The following PHF8 variants were observed in gnomAD, a reference collection of about 807,000 sequenced individuals.
PHF8 encodes histone lysine demethylase PHF8.
A neutral mutation model predicts 74.4 loss-of-function variants in PHF8; 9 were observed. The observed-to-expected ratio is 0.12, with a 90% confidence interval of 0.07 to 0.21. The LOEUF is 0.21. Ranked by LOEUF, PHF8 falls within the 10% of genes least tolerant of loss-of-function variation. The pLI, the probability that PHF8 is intolerant of heterozygous loss-of-function variation, is 1.00. For missense variants in PHF8, 478 were observed against 816.6 expected, an observed-to-expected ratio of 0.59 and a Z score of 5.05; for synonymous variants, 311 against 316.6, an observed-to-expected ratio of 0.98 and a Z score of 0.19.
upstream of PHF8, chrX:54,044,835 CG>C (rs1557117058): frequency 9.1e-7 from 1 of 1,101,888 alleles, no homozygotes; most frequent in Non-Finnish European, 1.2e-6. Context: ...TAGGTGGCGG[CG>C]GGGGCGGGCT....
chrX:53,953,188 T>C (rs1465315678), intron 19 of PHF8, among the ~76,000 whole-genome samples: 11 of 102,561 alleles, frequency 1.1e-4, no homozygotes, highest in Non-Finnish European at 1.4e-4. Context: ...GCGGGAGTAT[T>C]GCTTGAACCC....
intron 7 of PHF8, 122 bp from the exon 8 acceptor site, chrX:54,011,406 G>T: frequency 1.8e-6 from 1 of 555,461 alleles, no homozygotes; most frequent in Non-Finnish European, 3.0e-6. Context: ...CAGAGTTCTT[G>T]CCCAAACCCA....
intron 19 of PHF8, among the ~76,000 whole-genome samples, chrX:53,956,001 C>G (rs1053303612): frequency 9.0e-6 from 1 of 111,219 alleles, no homozygotes; most frequent in South Asian, 3.7e-4. Flanking sequence ...ATTCTCAGCA[C>G]TTTGGGAGGC....
At chrX:54,018,920 T>C (rs1159320148) in intron 4 of PHF8, among the ~76,000 whole-genome samples, 1 of 111,901 alleles carries the variant, frequency 8.9e-6, no homozygotes, top group Non-Finnish European at 1.9e-5. Context: ...GTGCCTGGCC[T>C]GCCTATCTCA....
intron 8 of PHF8, among the ~76,000 whole-genome samples, chrX:54,006,823 A>C (rs931161325): frequency 9.2e-6 from 1 of 109,119 alleles, no homozygotes; most frequent in Non-Finnish European, 1.9e-5. Context: ...CTGTAATCCC[A>C]GCTACTCGGG....
intron 19 of PHF8, among the ~76,000 whole-genome samples, chrX:53,952,799 C>T (rs1006542009): frequency 9.5e-6 from 1 of 105,269 alleles, no homozygotes; most frequent in South Asian, 4.2e-4. Context: ...AGGAGAATGG[C>T]GTGAACCCGG....
intron 2 of PHF8, among the ~76,000 whole-genome samples, chrX:54,037,000 T>TAAAAAAAAAAAA (rs56902207): frequency 6.3e-5 from 4 of 63,184 alleles, no homozygotes; most frequent in Non-Finnish European, 9.2e-5. Context: ...TCAGAAAAAA[T>TAAAAAAAAAAAA]AAAAAAAAAA....
chrX:53,986,057 G>C, intron 16 of PHF8, 108 bp from the exon 17 acceptor site: 1 of 736,816 alleles, frequency 1.4e-6, no homozygotes, highest in South Asian at 2.1e-5. Context: ...TGAGCACCAA[G>C]TATAGACCAA....
chrX:53,985,762 A>G (rs782062552), intron 17 of PHF8, 54 bp downstream of exon 17: 1 of 1,208,634 alleles, frequency 8.3e-7, no homozygotes, highest in Non-Finnish European at 1.1e-6. Flanking sequence ...CTTGGGCGGG[A>G]GCGGGGGTTG....
At chrX:54,004,124 T>C (rs966601440) in intron 8 of PHF8, among the ~76,000 whole-genome samples, 6 of 111,741 alleles carry the variant, frequency 5.4e-5, no homozygotes, top group East Asian at 2.8e-4. Flanking sequence ...CCTAAGTAGA[T>C]TGCACCCGGT....
intron 4 of PHF8, among the ~76,000 whole-genome samples, chrX:54,021,454 ATTTTTTTTTTTTTTTTT>A (rs1156928686): frequency 5.5e-4 from 23 of 42,174 alleles, no homozygotes; most frequent in East Asian, 1.1e-3. Context: ...AGTTGCAATT[ATTTTTTTTTTTTTTTTT>A]TTTTTTTTTT....
chrX:53,984,223 A>T (rs1195170064), intron 18 of PHF8, among the ~76,000 whole-genome samples: 1 of 111,398 alleles, frequency 9.0e-6, no homozygotes, highest in African/African-American at 3.3e-5. Context: ...AAAATTAGCC[A>T]GGCGTGATAG....
chrX:54,031,504 C>T (rs1557112538), intron 2 of PHF8, among the ~76,000 whole-genome samples: 1 of 107,639 alleles, frequency 9.3e-6, no homozygotes, highest in African/African-American at 3.4e-5. Context: ...TGTCATATAA[C>T]AGGTTTCACT....
At chrX:53,950,124 C>T (rs1250865435) in intron 19 of PHF8, among the ~76,000 whole-genome samples, 1 of 111,440 alleles carries the variant, frequency 9.0e-6, no homozygotes, top group Non-Finnish European at 1.9e-5. Flanking sequence ...GAACAATGAG[C>T]TTTGTGCATT....
chrX:54,043,255 A>C, intron 1 of PHF8: 5 of 312,606 alleles, frequency 1.6e-5, no homozygotes, highest in Non-Finnish European at 2.1e-5. Flanking sequence ...CCCTCCTCTC[A>C]CCACCTGAAA....
chrX:54,009,844 G>GAAAAAAAAAA (rs782363250), intron 8 of PHF8, among the ~76,000 whole-genome samples: 2 of 9,383 alleles, frequency 2.1e-4, no homozygotes, highest in African/African-American at 3.1e-4. Flanking sequence ...CTCTGTCTCA[G>GAAAAAAAAAA]AAAAAAAAAA....
intron 2 of PHF8, among the ~76,000 whole-genome samples, chrX:54,023,494 T>A (rs1043621504): frequency 4.5e-5 from 5 of 110,144 alleles, no homozygotes; most frequent in Non-Finnish European, 9.5e-5. Context: ...TGCATGTATA[T>A]GAGGTGGTAA....
intron 18 of PHF8, among the ~76,000 whole-genome samples, chrX:53,963,939 T>C (rs959960398): frequency 1.8e-5 from 2 of 112,077 alleles, no homozygotes; most frequent in East Asian, 5.6e-4. Flanking sequence ...TGCACACGTA[T>C]GTTTATTGCA....
At chrX:54,005,622 T>TAAAAA (rs782521734) in intron 8 of PHF8, among the ~76,000 whole-genome samples, 1 of 67,387 alleles carries the variant, frequency 1.5e-5, no homozygotes, top group Non-Finnish European at 2.9e-5. Context: ...GCAGAAAACT[T>TAAAAA]AAAAAAAAAA....
Sources: gnomAD v4.1 joint callset for allele counts (sites outside exome capture counted in the v4.1 genomes callset) on GRCh38, gnomAD v4.1.1 for gene constraint, MANE v1.5 for transcripts, NCBI Gene and HGNC (gene_info 2026-07-23, HGNC 2026-07-21) for gene names.